IL15RA: variants seen among roughly 807,000 people sequenced by gnomAD.
IL15RA encodes the protein interleukin-15 receptor subunit alpha.
A neutral mutation model predicts 24.2 loss-of-function variants in IL15RA; 26 were observed. The observed-to-expected ratio is 1.07, with a 90% CI of 0.79 to 1.49. The LOEUF (loss-of-function observed/expected upper bound fraction) is 1.49, where lower values mean the gene tolerates loss of function less well. Ranked by LOEUF, IL15RA falls within the 40% of genes most tolerant of loss-of-function variation. The pLI is 0.00. For missense variants in IL15RA, 354 were observed against 356.4 expected (o/e 0.99, Z 0.05); for synonymous variants, 166 against 157.6 (o/e 1.05, Z -0.40).
At chr10:5,949,177 T>G (rs1384252223), downstream of IL15RA, 1 of 470,500 alleles carries the variant, frequency 2.1e-6, no homozygotes, top group African/African-American at 2.0e-5. This position sits in a 1 kb window ranked among gnomAD's most constrained non-coding sequence, Gnocchi z 4.4. Context: ...TATAGACATC[T>G]CCCACGCCAG....
At position 5,956,411 on chromosome 10, in the gene IL15RA, A is replaced by AG; in HGVS notation, c.659dup (p.Val221CysfsTer20). The AG allele has an allele frequency of 6.2e-7, 1 of 1,614,062 alleles. No individual in the cohort carries two copies. Among genetic ancestry groups the AG allele is most frequent in the East Asian group, 2.2e-5 (1 of 44,886 alleles). On this transcript the variant is annotated frameshift_variant, in exon 6 of 7. Transcript: ENST00000379977. LOFTEE classifies it low-confidence loss of function (END_TRUNC). ...TGAGGTAGCATGCCAGGAGAGACAC[A>AG]GCGCTCAGCCCACACAGCAGGACAG...
Position 5,962,048 on chromosome 10 carries a change from G to T in IL15RA, c.383-1481C>A, listed in dbSNP as rs1835666360. Among the ~76,000 whole-genome samples the T allele has an allele frequency of 6.6e-6, 1 of 152,202 alleles. No homozygotes were observed. The highest frequency in any genetic ancestry group is 1.5e-5 in the Non-Finnish European group (1 of 68,030). The stretch of plus-strand genomic sequence containing the variant: ...CATCGGGGCTTCTGACTGCACCATT[G>T]TGTCTCGACAATGGCCATCGGACCA... On this transcript the variant is annotated intron_variant, in intron 3 of 6. Coordinates refer to ENST00000379977, the MANE Select transcript of IL15RA (RefSeq NM_002189.4). This position sits in a 1 kb window ranked among gnomAD's most constrained non-coding sequence, Gnocchi z 5.2.
chr10:5,960,478 G>T lies in IL15RA; in HGVS notation c.472C>A (p.Pro158Thr). 1 of 1,614,184 alleles carries T rather than the reference G, an allele frequency of 6.2e-7. No individual in the cohort carries two copies. The highest frequency in any genetic ancestry group is 1.7e-5 in the Admixed American group (1 of 60,016). Residue 158 changes from proline to threonine, a missense_variant, in exon 4 of 7, where the codon CCT (proline) becomes ACT (threonine). Coordinates refer to ENST00000379977, the MANE Select transcript of IL15RA (RefSeq NM_002189.4). The surrounding 1 kb of genome is among the most constrained non-coding windows in gnomAD (Gnocchi z 5.1). ...PGSQLMPSKS[P>T]STGTTEISSH... The stretch of plus-strand genomic sequence containing the variant: ...CTTATCTCTGTGGTTCCTGTGGAAG[G>T]TGATTTTGAAGGCATCAGCTGGGAG...
At position 5,959,902 on chromosome 10, in the gene IL15RA, G is replaced by T; in HGVS notation, c.584-116C>A. The T allele has an allele frequency of 1.1e-6, 1 of 935,766 alleles. No individual in the cohort carries two copies. The highest frequency in any genetic ancestry group is 1.4e-5 in the South Asian group (1 of 70,088). The allele number at this position is 935,766 out of a possible 1,614,324, so 58.0% of individuals were successfully genotyped here. On this transcript the variant is annotated intron_variant, in intron 4 of 6. Transcript: ENST00000379977. The surrounding 1 kb of genome is among the most constrained non-coding windows in gnomAD (Gnocchi z 4.1). Reference sequence around the variant, plus strand: ...ATCTTAGCACCCTGGGAGACTCGTGGCTGGCGTAACCAGACTCATTTTAGC... The same window carrying T: ...ATCTTAGCACCCTGGGAGACTCGTGTCTGGCGTAACCAGACTCATTTTAGC...
At position 5,955,140 on chromosome 10, in the gene IL15RA, C is replaced by T. The variant is rs1244685428; in HGVS notation, c.692+1239G>A. Among the ~76,000 whole-genome samples, 1 of 149,622 alleles carries T rather than the reference C, an allele frequency of 6.7e-6. No individual in the cohort carries two copies. Among genetic ancestry groups the T allele is most frequent in the Non-Finnish European group, 1.5e-5 (1 of 67,652 alleles). On this transcript the variant is annotated intron_variant, in intron 6 of 6. Transcript: ENST00000379977. This position sits in a 1 kb window ranked among gnomAD's most constrained non-coding sequence, Gnocchi z 5.3. ...TTGAGATGGAGTTTTGCTCTTGTTG[C>T]CCAGGCTGGAGTGCAATGGTGTGAT...
rs765612165 is a variant in IL15RA at position 5,960,475 on chromosome 10, A to T, written c.475T>A (p.Ser159Thr). ...GSQLMPSKSP[S>T]TGTTEISSHE... ...CTGCTTATCTCTGTGGTTCCTGTGG[A>T]AGGTGATTTTGAAGGCATCAGCTGG... Residue 159 changes from serine (S) to threonine (T), a missense_variant, in exon 4 of 7, where the codon TCC (serine) becomes ACC (threonine). Coordinates refer to ENST00000379977, the MANE Select transcript of IL15RA (RefSeq NM_002189.4). This position sits in a 1 kb window ranked among gnomAD's most constrained non-coding sequence, Gnocchi z 5.1. The T allele has an allele frequency of 1.4e-5, 23 of 1,613,974 alleles. No homozygotes were observed. The highest frequency in any genetic ancestry group is 1.9e-5 in the Non-Finnish European group (23 of 1,179,982).
chr10:5,977,077 G>A, intron 1 of IL15RA: 1 of 243,910 alleles, frequency 4.1e-6, no homozygotes, highest in Non-Finnish European at 7.8e-6. Context: ...ACTGCTGGAC[G>A]CCGCCGGCTC....
chr10:5,962,487 G>A lies in IL15RA; in HGVS notation c.382+1256C>T, dbSNP rs1023378255. Reference sequence around the variant, plus strand: ...CACGCCTGTGATCCCAGCTACTTGGGAGGCTGAGGCAGGAAAATCACTTGA... The same window carrying A: ...CACGCCTGTGATCCCAGCTACTTGGAAGGCTGAGGCAGGAAAATCACTTGA... On this transcript the variant is annotated intron_variant, in intron 3 of 6. Transcript: ENST00000379977. This position sits in a 1 kb window ranked among gnomAD's most constrained non-coding sequence, Gnocchi z 5.2. Among the ~76,000 whole-genome samples, 2 of 151,942 alleles carry A rather than the reference G, an allele frequency of 1.3e-5. No homozygotes were observed. The highest frequency in any genetic ancestry group is 4.8e-5 in the African/African-American group (2 of 41,316).
chr10:5,974,302 T>C (rs1233865008), intron 1 of IL15RA, among the ~76,000 whole-genome samples: 3 of 152,056 alleles, frequency 2.0e-5, no homozygotes, highest in African/African-American at 7.2e-5. Flanking sequence ...ACCCAGCTGA[T>C]ACAATTCAAT....
downstream of IL15RA, among the ~76,000 whole-genome samples, chr10:5,951,279 C>T (rs1221310952): frequency 6.6e-6 from 1 of 151,456 alleles, no homozygotes; most frequent in Non-Finnish European, 1.5e-5. Flanking sequence ...GCCAAGATTG[C>T]ATCACTGCAC....
At chr10:5,969,350 T>G (rs948999715) in intron 1 of IL15RA, among the ~76,000 whole-genome samples, 8 of 98,450 alleles carry the variant, frequency 8.1e-5, no homozygotes, top group African/African-American at 2.8e-4. Context: ...TTAAATTAAA[T>G]TTTTTAAATT....
downstream of IL15RA, among the ~76,000 whole-genome samples, chr10:5,951,492 C>T (rs145766294): frequency 2.6e-5 from 4 of 152,242 alleles, no homozygotes; most frequent in Non-Finnish European, 5.9e-5. Flanking sequence ...AGGACTGCTC[C>T]CCTCCCGCCC....
Position 5,963,672 on chromosome 10 carries a change from C to T in IL15RA, c.382+71G>A. 11 of 922,424 alleles carry T rather than the reference C, an allele frequency of 1.2e-5. No homozygotes were observed. Among genetic ancestry groups the T allele is most frequent in the Non-Finnish European group, 1.7e-5 (11 of 633,728 alleles). 57.1% of individuals were successfully genotyped at this position (922,424 alleles called of 1,614,324 possible). Reference sequence around the variant, plus strand: ...CACACCACAGAGGTCCGTGAGTCTGCAGGATTGGTGAGCGGGCCTCTGGGT... The same window carrying T: ...CACACCACAGAGGTCCGTGAGTCTGTAGGATTGGTGAGCGGGCCTCTGGGT... On this transcript the variant is annotated intron_variant, in intron 3 of 6. Transcript: ENST00000379977. The surrounding 1 kb of genome is among the most constrained non-coding windows in gnomAD (Gnocchi z 5.3).
In IL15RA at chr10:5,960,824, A is replaced by G. The variant is rs949160795; in HGVS notation, c.383-257T>C. ...CAGCCAGACACAGTGGGTCATGCCT[A>G]TAATCCCAACACTTTGGGAGGCTGA... On this transcript the variant is annotated intron_variant, in intron 3 of 6. Coordinates refer to ENST00000379977, the MANE Select transcript of IL15RA (RefSeq NM_002189.4). The surrounding 1 kb of genome is among the most constrained non-coding windows in gnomAD (Gnocchi z 5.1). 6.6e-6 allele frequency among the ~76,000 whole-genome samples: 1 copy of G among 152,186 alleles called. No homozygotes were observed. The highest frequency in any genetic ancestry group is 1.5e-5 in the Non-Finnish European group (1 of 68,030).
downstream of IL15RA, chr10:5,949,206 C>A (rs1564476207): frequency 4.2e-6 from 2 of 471,070 alleles, no homozygotes; most frequent in Non-Finnish European, 8.8e-6. The surrounding 1 kb of genome is among the most constrained non-coding windows in gnomAD (Gnocchi z 4.4). Context: ...TTGTAATTGA[C>A]AGAGAGCCTC....
At position 5,959,827 on chromosome 10, in the gene IL15RA, A is replaced by G. The variant is rs1835198739; in HGVS notation, c.584-41T>C. 6.2e-7 allele frequency: 1 copy of G among 1,605,672 alleles called. No homozygotes were observed. Among genetic ancestry groups the G allele is most frequent in the Admixed American group, 1.7e-5 (1 of 59,850 alleles). ...GACAGCATCACGGCTCGAGTCCTAG[A>G]GGTCCTAGTTCCTCATGAAGCAGGA... On this transcript the variant is annotated intron_variant, in intron 4 of 6. Transcript: ENST00000379977. The surrounding 1 kb of genome is among the most constrained non-coding windows in gnomAD (Gnocchi z 4.1).
At position 5,953,336 on chromosome 10, in the gene IL15RA, G is replaced by A. The variant is rs542051909; in HGVS notation, c.693-130C>T. 2.1e-4 allele frequency: 151 copies of A among 733,468 alleles called. No homozygotes were observed. The highest frequency in any genetic ancestry group is 2.6e-4 in the Admixed American group (13 of 50,116). The allele number at this position is 733,468 out of a possible 1,614,324, so 45.4% of individuals were successfully genotyped here. A position where few individuals can be genotyped will look rare whatever the true frequency, so the allele number is the denominator to read the frequency against. ...GGAGCAGACAGAGGCCCTGCCACGG[G>A]AGTCAGACAGAGAGCACTTAGTCCT... is the stretch of plus-strand genomic sequence containing the variant. On this transcript the variant is annotated intron_variant, in intron 6 of 6. Transcript: ENST00000379977. The surrounding 1 kb of genome is among the most constrained non-coding windows in gnomAD (Gnocchi z 5.3).
rs187048029 is a variant in IL15RA, at chr10:5,958,218, G to A, written c.616+1536C>T. 3.8e-4 allele frequency: 158 copies of A among 417,446 alleles called. 2 individuals are homozygous for A. In the East Asian group the frequency reaches 8.9e-3, roughly 24 times the overall value. 25.9% of individuals were successfully genotyped at this position (417,446 alleles called of 1,614,324 possible). A position where few individuals can be genotyped will look rare whatever the true frequency, so the allele number is the denominator to read the frequency against. Reference sequence around the variant, plus strand: ...ATGGGAGGATCTACAAGGTATACCAGCAAGTGGAAACAAACATGGTACAGA... The same window carrying A: ...ATGGGAGGATCTACAAGGTATACCAACAAGTGGAAACAAACATGGTACAGA... On this transcript the variant is annotated intron_variant, in intron 5 of 6. Transcript: ENST00000379977. This position sits in a 1 kb window ranked among gnomAD's most constrained non-coding sequence, Gnocchi z 4.3.
chr10:5,951,899 A>T (rs954423222), downstream of IL15RA, among the ~76,000 whole-genome samples: 1 of 152,064 alleles, frequency 6.6e-6, no homozygotes, highest in Non-Finnish European at 1.5e-5. Flanking sequence ...GGCTCGATCA[A>T]TCCTCCTGCC....
Sources: allele counts gnomAD v4.1 joint callset (sites outside exome capture counted in the v4.1 genomes callset), GRCh38; gene constraint gnomAD v4.1.1; non-coding constraint Gnocchi (gnomAD v3.1); transcripts MANE v1.5; gene names NCBI Gene and HGNC (gene_info 2026-07-23, HGNC 2026-07-21).